Variants in RUNX3 observed in about 807,000 individuals in gnomAD.
RUNX3 encodes runt-related transcription factor 3.
In RUNX3, 10 loss-of-function variants were observed where a neutral mutation model predicts 27.7. The ratio of observed to expected loss-of-function variants is 0.36; its 90% confidence interval spans 0.22 to 0.61. RUNX3 has a LOEUF of 0.61. Ranked by LOEUF, RUNX3 falls within the 20% of genes least tolerant of loss-of-function variation. The pLI is 0.72. For synonymous variants in RUNX3, 270 were observed against 269.2 expected, an observed-to-expected ratio of 1.00 and a Z score of -0.03; for missense variants, 469 against 629.5, an observed-to-expected ratio of 0.75 and a Z score of 2.73.
intron 4 of RUNX3, among the ~76,000 whole-genome samples, chr1:24,905,894 C>G (rs1418995441): frequency 6.6e-6 from 1 of 152,246 alleles, no homozygotes; most frequent in African/African-American, 2.4e-5. Context: ...CTTCCGCTAC[C>G]TCTTGAGAGC....
chr1:24,945,765 C>T (rs1016385157), intron 2 of RUNX3, among the ~76,000 whole-genome samples: 1 of 152,210 alleles, frequency 6.6e-6, no homozygotes, highest in African/African-American at 2.4e-5. Flanking sequence ...GTATGTGCTT[C>T]CGCATTCTCT....
At chr1:24,931,038 G>T (rs1231929441), upstream of RUNX3, among the ~76,000 whole-genome samples, 1 of 152,240 alleles carries the variant, frequency 6.6e-6, no homozygotes, top group Admixed American at 6.5e-5. Flanking sequence ...GTGGCGGCCT[G>T]TGGCTCTTTG....
At chr1:24,959,513 A>T (rs1571370600) in intron 2 of RUNX3, among the ~76,000 whole-genome samples, 1 of 152,080 alleles carries the variant, frequency 6.6e-6, no homozygotes, top group Non-Finnish European at 1.5e-5. Flanking sequence ...GATGGCGGGG[A>T]GGGGGAGGCC....
intron 2 of RUNX3, among the ~76,000 whole-genome samples, chr1:24,956,004 T>C (rs2124376380): frequency 6.6e-6 from 1 of 152,368 alleles, no homozygotes; most frequent in African/African-American, 2.4e-5. Context: ...TGTCTGCAGA[T>C]TGGGACCACA....
intron 3 of RUNX3, among the ~76,000 whole-genome samples, chr1:24,917,994 T>C (rs562595224): frequency 3.3e-5 from 5 of 151,752 alleles, no homozygotes; most frequent in African/African-American, 1.2e-4. Flanking sequence ...CCAGCAGGAG[T>C]GTGGCCAGGG....
In RUNX3 at chr1:24,919,346, T is replaced by A; in HGVS notation, c.440-2A>T. On this transcript the variant is annotated splice_acceptor_variant, in intron 2 of 4. Coordinates refer to ENST00000308873, the MANE Select transcript of RUNX3 (RefSeq NM_004350.3). LOFTEE classifies it high-confidence loss of function. ...TGATGGTCAGGGTGAAACTCTTCCC[T>A]GGGGAGAGTGGGGAATAGAGGCAGG... 1 of 1,597,600 alleles carries A rather than the reference T, an allele frequency of 6.3e-7. No individual in the cohort carries two copies. The highest frequency in any genetic ancestry group is 8.6e-7 in the Non-Finnish European group (1 of 1,166,584).
At position 24,923,162 on chromosome 1, in the gene RUNX3, C is replaced by T. The variant is rs1336375569; in HGVS notation, c.440-3818G>A. On this transcript the variant is annotated intron_variant, in intron 2 of 4. Coordinates refer to ENST00000308873, the MANE Select transcript of RUNX3 (RefSeq NM_004350.3). This position sits in a 1 kb window ranked among gnomAD's most constrained non-coding sequence, Gnocchi z 5.9. The stretch of plus-strand genomic sequence containing the variant: ...GCAAACCACATGCCACCCCTGAGGT[C>T]ACCAGCACTCCTCGGCCGCTTCCAC... 6.6e-6 allele frequency among the ~76,000 whole-genome samples: 1 copy of T among 152,186 alleles called. No homozygotes were observed. Among genetic ancestry groups the T allele is most frequent in the African/African-American group, 2.4e-5 (1 of 41,436 alleles).
chr1:24,910,979 C>T (rs976903946), intron 3 of RUNX3, among the ~76,000 whole-genome samples: 3 of 152,200 alleles, frequency 2.0e-5, no homozygotes, highest in African/African-American at 7.2e-5. Flanking sequence ...TTGTGGAAAG[C>T]ACCTGACTGC....
At position 24,929,707 on chromosome 1, in the gene RUNX3, C is replaced by G. The variant is rs769006977; in HGVS notation, c.162G>C (p.Ser54=). The part of the protein sequence containing the change: ...PGGRARPEVR[S]MVDVLADHAG... ...CGTGGTCCGCCAGCACGTCCACCAT[C>G]GAGCGCACCTCGGGCCGGGCGCGCC... Residue 54 remains serine (S), a synonymous_variant, in exon 1 of 5, where the codon TCG becomes TCC. Transcript: ENST00000308873. 6.4e-7 allele frequency: 1 copy of G among 1,553,450 alleles called. No individual in the cohort carries two copies. Among genetic ancestry groups the G allele is most frequent in the Admixed American group, 1.9e-5 (1 of 51,604 alleles).
rs138596237 is a variant in RUNX3, at chr1:24,945,233, C to T, written c.59-15381G>A. Among the ~76,000 whole-genome samples, 510 of 152,196 alleles carry T rather than the reference C, an allele frequency of 3.4e-3. 2 individuals are homozygous for T. Among genetic ancestry groups the T allele is most frequent in the Non-Finnish European group, 6.1e-3 (416 of 68,028 alleles). On this transcript the variant is annotated intron_variant, in intron 2 of 6. Transcript: ENST00000338888. ...TGCCCCAAATATTGCAATTATTTAT[C>T]GTTTATCTGAAATTAAAATAATTTA...
Position 24,907,379 on chromosome 1 carries a change from G to A in RUNX3, c.583C>T (p.Pro195Ser). Residue 195 changes from proline (P) to serine (S), a missense_variant, in exon 4 of 5, where the codon CCT becomes TCT. Physicochemically the swap from Pro to Ser is moderately conservative, Grantham distance 74. This residue lies in a region of RUNX3 where 279 missense variants were observed against 343.0 expected (regional missense o/e 0.81). Coordinates refer to ENST00000308873, the MANE Select transcript of RUNX3 (RefSeq NM_004350.3). Reference sequence around the variant, plus strand: ...CGTTCCAGGTCCCCAAAGCGGTCAGGGAACGGCTTGGTCTGGTCCTCCAGC... The same window carrying A: ...CGTTCCAGGTCCCCAAAGCGGTCAGAGAACGGCTTGGTCTGGTCCTCCAGC... ...QKLEDQTKPFPDRFGDLERLR... is the reference protein window; with the variant it reads ...QKLEDQTKPFSDRFGDLERLR... The A allele has an allele frequency of 6.2e-7, 1 of 1,613,922 alleles. No individual in the cohort carries two copies. Among genetic ancestry groups the A allele is most frequent in the Non-Finnish European group, 8.5e-7 (1 of 1,180,032 alleles).
chr1:24,914,597 A>G (rs1396067012), intron 3 of RUNX3, among the ~76,000 whole-genome samples: 2 of 152,132 alleles, frequency 1.3e-5, no homozygotes, highest in African/African-American at 4.8e-5. Flanking sequence ...TGGGGCTTCC[A>G]GAGGCCTGGG....
chr1:24,932,525 C>T (rs1018041025), upstream of RUNX3, among the ~76,000 whole-genome samples: 1 of 152,200 alleles, frequency 6.6e-6, no homozygotes, highest in African/African-American at 2.4e-5. Context: ...AGGAGCTGCC[C>T]TTTCCTTGCC....
intron 2 of RUNX3, among the ~76,000 whole-genome samples, chr1:24,956,040 C>G (rs886997609): frequency 1.3e-5 from 2 of 152,272 alleles, no homozygotes; most frequent in Middle Eastern, 3.2e-3. Context: ...ATTTCCTGAG[C>G]ACCTACTGTA....
chr1:24,947,189 T>G (rs1281102352), intron 2 of RUNX3, among the ~76,000 whole-genome samples: 1 of 152,172 alleles, frequency 6.6e-6, no homozygotes. Context: ...CCCTAGGCCT[T>G]GTCACCTGGG....
rs1314104748 is a variant in RUNX3 at position 24,902,735 on chromosome 1, C to T, written c.704-69G>A. On this transcript the variant is annotated intron_variant, in intron 4 of 4. Transcript: ENST00000308873. This position sits in a 1 kb window ranked among gnomAD's most constrained non-coding sequence, Gnocchi z 9.2. ...CCCAGGAGGGCTTCCTGAAGAATGA[C>T]CTTGGGCTCTGGTTCCCAAGGCCCA... 1 of 1,372,974 alleles carries T rather than the reference C, an allele frequency of 7.3e-7. No individual in the cohort carries two copies. Among genetic ancestry groups the T allele is most frequent in the Non-Finnish European group, 9.8e-7 (1 of 1,025,288 alleles). 85.0% of individuals were successfully genotyped at this position (1,372,974 alleles called of 1,614,324 possible). A position where few individuals can be genotyped will look rare whatever the true frequency, so the allele number is the denominator to read the frequency against.
At position 24,902,298 on chromosome 1, in the gene RUNX3, T is replaced by C. The variant is rs1314832250; in HGVS notation, c.1072A>G (p.Thr358Ala). 3 of 1,603,306 alleles carry C rather than the reference T, an allele frequency of 1.9e-6. No homozygotes were observed. The highest frequency in any genetic ancestry group is 4.5e-5 in the East Asian group (2 of 44,484). ...CTGGTGCAAGAGGCCAGCATGCGGGTAGGTGAGCGGTCGCCCCCACTGCTG... is the reference window on the plus strand; with the variant it reads ...CTGGTGCAAGAGGCCAGCATGCGGGCAGGTGAGCGGTCGCCCCCACTGCTG... ...GSSSGGDRSPTRMLASCTSSA... is the reference protein window; with the variant it reads ...GSSSGGDRSPARMLASCTSSA... Residue 358 changes from threonine (T) to alanine (A), a missense_variant, in exon 5 of 5, where the codon ACC becomes GCC. Physicochemically the swap from Thr to Ala is moderately conservative, Grantham distance 58. Transcript: ENST00000308873. This position sits in a 1 kb window ranked among gnomAD's most constrained non-coding sequence, Gnocchi z 9.2.
Position 24,901,076 on chromosome 1 carries a change from G to T in RUNX3, c.*1046C>A. The T allele has an allele frequency of 7.5e-6, 1 of 133,514 alleles. No individual in the cohort carries two copies. The allele number at this position is 133,514 out of a possible 1,614,324, so 8.3% of individuals were successfully genotyped here. Reference sequence around the variant, plus strand: ...TTGCTCAGGACTATTTGCTTTCAGAGCACAAAACAGGTTACAGACAGGTGT... The same window carrying T: ...TTGCTCAGGACTATTTGCTTTCAGATCACAAAACAGGTTACAGACAGGTGT... On this transcript the variant is annotated 3_prime_UTR_variant, in exon 5 of 5. Coordinates refer to ENST00000308873, the MANE Select transcript of RUNX3 (RefSeq NM_004350.3).
intron 2 of RUNX3, among the ~76,000 whole-genome samples, chr1:24,963,899 C>T (rs190986148): frequency 6.6e-6 from 1 of 152,328 alleles, no homozygotes; most frequent in Non-Finnish European, 1.5e-5. Flanking sequence ...AACACTTTCT[C>T]CTCTTCCGTG....
Sources: gnomAD v4.1 joint callset for allele counts (sites outside exome capture counted in the v4.1 genomes callset) on GRCh38, gnomAD v4.1.1 for gene constraint, gnomAD v4.1.1 regional missense constraint, Gnocchi (gnomAD v3.1) non-coding constraint, MANE v1.5 for transcripts, NCBI Gene and HGNC (gene_info 2026-07-23, HGNC 2026-07-21) for gene names.